FOXP2: variants seen among roughly 807,000 people sequenced by gnomAD.
FOXP2 encodes the protein forkhead box P2, also known as forkhead box protein P2.
In FOXP2, 12 loss-of-function variants were observed where a neutral mutation model predicts 115.8. The observed-to-expected ratio is 0.10, with a 90% CI of 0.07 to 0.17. The LOEUF (loss-of-function observed/expected upper bound fraction) is 0.17. Ranked by LOEUF, FOXP2 falls within the 10% of genes least tolerant of loss-of-function variation. The pLI is 1.00. For missense variants in FOXP2, 629 were observed against 843.5 expected (o/e 0.75, Z 3.15); for synonymous variants, 328 against 297.7 (o/e 1.10, Z -1.05).
chr7:114,372,884 G>C (rs990426838), intron 2 of FOXP2, among the ~76,000 whole-genome samples: 1 of 151,902 alleles, frequency 6.6e-6, no homozygotes, highest in Non-Finnish European at 1.5e-5. Context: ...CCTTGTTTTC[G>C]TACTCTTTCC....
chr7:114,334,597 A>G (rs74858038), intron 2 of FOXP2, among the ~76,000 whole-genome samples: 2 of 151,084 alleles, frequency 1.3e-5, no homozygotes, highest in Admixed American at 6.6e-5. Context: ...AGTTAGTGGA[A>G]AAAAATCCAT....
intron 1 of FOXP2, among the ~76,000 whole-genome samples, chr7:114,105,917 T>C (rs1178911365): frequency 6.6e-6 from 1 of 152,112 alleles, no homozygotes; most frequent in Non-Finnish European, 1.5e-5. Context: ...TATTTCACAC[T>C]ACTTCTCATG....
At chr7:114,617,533 C>G (rs761320070) in intron 3 of FOXP2, among the ~76,000 whole-genome samples, 1 of 152,210 alleles carries the variant, frequency 6.6e-6, no homozygotes, top group Admixed American at 6.5e-5. Context: ...GCGGCTCACG[C>G]GTGTAATCCC....
chr7:114,638,436 T>A (rs914479462), intron 6 of FOXP2, among the ~76,000 whole-genome samples: 19 of 152,152 alleles, frequency 1.2e-4, no homozygotes, highest in Admixed American at 7.9e-4. Context: ...CTTGTTATAT[T>A]ACTGCCTCAA....
At chr7:114,379,201 G>T (rs1008506316) in intron 2 of FOXP2, among the ~76,000 whole-genome samples, 1 of 152,130 alleles carries the variant, frequency 6.6e-6, no homozygotes, top group African/African-American at 2.4e-5. Context: ...TTTATGTCCC[G>T]ATCCTTGTCC....
At chr7:114,234,480 G>C (rs962009877) in intron 1 of FOXP2, among the ~76,000 whole-genome samples, 3 of 152,202 alleles carry the variant, frequency 2.0e-5, no homozygotes, top group African/African-American at 7.2e-5. Flanking sequence ...GGTACAGGTT[G>C]TTTAACGTTA....
At chr7:114,493,032 G>T (rs186043103) in intron 2 of FOXP2, among the ~76,000 whole-genome samples, 8 of 152,238 alleles carry the variant, frequency 5.3e-5, no homozygotes, top group African/African-American at 1.7e-4. Context: ...CATTATTATT[G>T]TGTAGGAGTC....
chr7:114,626,137 C>A (rs901643075), intron 3 of FOXP2, among the ~76,000 whole-genome samples: 2 of 151,722 alleles, frequency 1.3e-5, no homozygotes, highest in African/African-American at 4.8e-5. Context: ...TATGTCATAA[C>A]TATTAATTGA....
chr7:114,642,550 A>C lies in FOXP2; in HGVS notation c.916A>C (p.Lys306Gln). 5 of 1,613,876 alleles carry C rather than the reference A, an allele frequency of 3.1e-6. No homozygotes were observed. Among genetic ancestry groups the C allele is most frequent in the Non-Finnish European group, 4.2e-6 (5 of 1,179,948 alleles). ...SSSTTSSNTSKASPPITHHSI... is the reference protein window; with the variant it reads ...SSSTTSSNTSQASPPITHHSI... ...CTCGACTACCTCCTCCAACACTTCC[A>C]AAGCATCACCACCAATAACTCATCA... Residue 306 changes from lysine (K) to glutamine (Q), a missense_variant, in exon 7 of 17, where the codon AAA becomes CAA. Transcript: ENST00000350908.
chr7:114,598,865 A>G (rs1802866482), intron 3 of FOXP2, among the ~76,000 whole-genome samples: 1 of 152,146 alleles, frequency 6.6e-6, no homozygotes, highest in Admixed American at 6.6e-5. Flanking sequence ...TGTAAAATAG[A>G]ACATTTACCA....
At chr7:114,294,832 C>A (rs946591756) in intron 2 of FOXP2, among the ~76,000 whole-genome samples, 1 of 151,076 alleles carries the variant, frequency 6.6e-6, no homozygotes, top group Admixed American at 6.6e-5. Context: ...CAGAAGGAGA[C>A]ACTGCCTCAA....
intron 1 of FOXP2, among the ~76,000 whole-genome samples, chr7:114,107,480 G>A (rs1017521236): frequency 5.3e-5 from 8 of 152,022 alleles, no homozygotes; most frequent in African/African-American, 4.8e-5. Context: ...CTAAGGAAGA[G>A]CATTTTAAAG....
At chr7:114,510,388 A>G (rs1798012790) in intron 2 of FOXP2, among the ~76,000 whole-genome samples, 1 of 152,174 alleles carries the variant, frequency 6.6e-6, no homozygotes, top group African/African-American at 2.4e-5. Context: ...AAGGCATGGT[A>G]GAACAAAGCA....
At chr7:114,464,845 A>G (rs749733529) in intron 2 of FOXP2, among the ~76,000 whole-genome samples, 7 of 152,062 alleles carry the variant, frequency 4.6e-5, no homozygotes, top group African/African-American at 7.2e-5. Context: ...GTGACATACT[A>G]CTCTACTCAT....
At chr7:114,550,987 T>TA (rs1163788415) in intron 3 of FOXP2, among the ~76,000 whole-genome samples, 1 of 152,080 alleles carries the variant, frequency 6.6e-6, no homozygotes, top group African/African-American at 2.4e-5. Context: ...TAAATCTTTT[T>TA]TTCTACCTTT....
At chr7:114,275,383 G>C (rs1270514219) in intron 1 of FOXP2, among the ~76,000 whole-genome samples, 1 of 152,084 alleles carries the variant, frequency 6.6e-6, no homozygotes, top group African/African-American at 2.4e-5. Flanking sequence ...TAGTTTTAGA[G>C]GTGTTTACTG....
intron 8 of FOXP2, among the ~76,000 whole-genome samples, chr7:114,648,059 G>A (rs935951256): frequency 6.6e-6 from 1 of 151,934 alleles, no homozygotes; most frequent in African/African-American, 2.4e-5. Flanking sequence ...ACTATATGAA[G>A]AGCAATAGAA....
chr7:114,263,570 C>T (rs1795815817), intron 1 of FOXP2, among the ~76,000 whole-genome samples: 1 of 151,754 alleles, frequency 6.6e-6, no homozygotes, highest in African/African-American at 2.4e-5. Context: ...CCTTCCACCT[C>T]AGCCTCCCAA....
chr7:114,486,284 G>A (rs867488214), intron 2 of FOXP2, among the ~76,000 whole-genome samples: 2 of 152,000 alleles, frequency 1.3e-5, no homozygotes, highest in Non-Finnish European at 2.9e-5. Flanking sequence ...ACATGTGCAG[G>A]GGAACTCCTA....
Sources: allele counts gnomAD v4.1 joint callset (sites outside exome capture counted in the v4.1 genomes callset), GRCh38; gene constraint gnomAD v4.1.1; transcripts MANE v1.5; gene names NCBI Gene and HGNC (gene_info 2026-07-23, HGNC 2026-07-21).